The following PLEKHM3 variants were observed in gnomAD, a reference collection of about 807,000 sequenced individuals.
PLEKHM3 encodes pleckstrin homology domain-containing family M member 3.
Under a neutral mutation model 81.8 loss-of-function variants are expected in PLEKHM3, and 45 were observed. That is an observed-to-expected ratio of 0.55 (90% CI 0.43 to 0.71). The LOEUF is 0.71. Ranked by LOEUF, PLEKHM3 falls within the 30% of genes least tolerant of loss-of-function variation. The probability of loss-of-function intolerance (pLI) is 0.00; values close to 1 mark genes in which losing one functional copy is unlikely to be tolerated. For synonymous variants in PLEKHM3, 352 were observed against 356.4 expected, an observed-to-expected ratio of 0.99 and a Z score of 0.14; for missense variants, 788 against 924.3, an observed-to-expected ratio of 0.85 and a Z score of 1.91.
At chr2:207,872,470 T>C (rs751203589) in intron 6 of PLEKHM3, among the ~76,000 whole-genome samples, 2 of 152,246 alleles carry the variant, frequency 1.3e-5, no homozygotes, top group Non-Finnish European at 2.9e-5. Flanking sequence ...CAGCATCTTA[T>C]TGGCTCAACT....
At chr2:207,995,625 G>A (rs1477215875) in intron 2 of PLEKHM3, among the ~76,000 whole-genome samples, 2 of 152,228 alleles carry the variant, frequency 1.3e-5, no homozygotes, top group African/African-American at 4.8e-5. Flanking sequence ...TCCTTAAAAC[G>A]GGACCAATGA....
At chr2:207,884,076 A>G (rs1687804920) in intron 6 of PLEKHM3, among the ~76,000 whole-genome samples, 1 of 152,144 alleles carries the variant, frequency 6.6e-6, no homozygotes, top group South Asian at 2.1e-4. Flanking sequence ...AGGTGGGAGG[A>G]CTGCTTGAGC....
chr2:207,828,443 G>A lies in PLEKHM3; in HGVS notation c.2162C>T (p.Pro721Leu). ...CTCTCGGCGAACACACCTCGGGCAGGGGACAGACTTTTCTTTGCATTCAGA... is the reference window on the plus strand; with the variant it reads ...CTCTCGGCGAACACACCTCGGGCAGAGGACAGACTTTTCTTTGCATTCAGA... ...FHSECKEKSV[P>L]CPRCVRRELQ... Residue 721 changes from proline to leucine, a missense_variant, in exon 8 of 8, where the codon CCC (proline) becomes CTC (leucine). By Grantham distance (98) the Pro-to-Leu change is moderately conservative (BLOSUM62 -3). Coordinates refer to ENST00000427836, the MANE Select transcript of PLEKHM3 (RefSeq NM_001080475.3). 1.9e-6 allele frequency: 3 copies of A among 1,614,056 alleles called. No homozygotes were observed. Among genetic ancestry groups the A allele is most frequent in the Non-Finnish European group, 2.5e-6 (3 of 1,180,020 alleles).
chr2:207,944,284 C>A (rs1341159947), intron 4 of PLEKHM3, among the ~76,000 whole-genome samples: 1 of 152,046 alleles, frequency 6.6e-6, no homozygotes, highest in Non-Finnish European at 1.5e-5. Flanking sequence ...ATAGTGTATC[C>A]TAGAGAAGTC....
intron 1 of PLEKHM3, among the ~76,000 whole-genome samples, chr2:208,017,638 C>T (rs1326256546): frequency 6.6e-6 from 1 of 152,100 alleles, no homozygotes; most frequent in Non-Finnish European, 1.5e-5. Context: ...TCTCTTTTTT[C>T]TTGTAAGTTT....
At chr2:207,874,763 TG>T (rs1267415617) in intron 6 of PLEKHM3, among the ~76,000 whole-genome samples, 1 of 151,692 alleles carries the variant, frequency 6.6e-6, no homozygotes, top group Non-Finnish European at 1.5e-5. Context: ...GGCTAATTTT[TG>T]TATTTTTAGT....
chr2:207,873,841 C>T (rs2092546928), intron 6 of PLEKHM3, among the ~76,000 whole-genome samples: 1 of 152,150 alleles, frequency 6.6e-6, no homozygotes, highest in South Asian at 2.1e-4. Flanking sequence ...TTTATGGGAC[C>T]AGCCATTCCT....
rs1207833183 is a variant in PLEKHM3, at chr2:207,827,259, T to G, written c.*1060A>C. ...ATGGTCACATTGACAAAGGTCGAAATGAAAGTGCAGGAAGAACAACGAGAA... is the reference window on the plus strand; with the variant it reads ...ATGGTCACATTGACAAAGGTCGAAAGGAAAGTGCAGGAAGAACAACGAGAA... On this transcript the variant is annotated 3_prime_UTR_variant, in exon 8 of 8. Coordinates refer to ENST00000427836, the MANE Select transcript of PLEKHM3 (RefSeq NM_001080475.3). 6.6e-6 allele frequency: 1 copy of G among 152,036 alleles called. No individual in the cohort carries two copies. Among genetic ancestry groups the G allele is most frequent in the South Asian group, 2.1e-4 (1 of 4,822 alleles). 9.4% of individuals were successfully genotyped at this position (152,036 alleles called of 1,614,324 possible). A position where few individuals can be genotyped will look rare whatever the true frequency, so the allele number is the denominator to read the frequency against.
rs1322014249 is a variant in PLEKHM3 at position 208,016,694 on chromosome 2, C to CACACACACACACACACACAA, written c.-319+8694_-319+8695insTTGTGTGTGTGTGTGTGTGT. Among the ~76,000 whole-genome samples, 203 of 149,830 alleles carry CACACACACACACACACACAA rather than the reference C, an allele frequency of 1.4e-3. 1 individual carries two copies. Among genetic ancestry groups the CACACACACACACACACACAA allele is most frequent in the South Asian group, 3.8e-3 (18 of 4,702 alleles). ...ATACACACACACACACACACACACA[C>CACACACACACACACACACAA]ACCCTGGTTTCATATTACCATACTA... On this transcript the variant is annotated intron_variant, in intron 1 of 7. Transcript: ENST00000427836.
intron 6 of PLEKHM3, among the ~76,000 whole-genome samples, chr2:207,879,383 C>T (rs1054695416): frequency 6.6e-6 from 1 of 152,184 alleles, no homozygotes. Flanking sequence ...GCTCTACTGC[C>T]ATCCATAGTT....
chr2:207,846,751 A>C (rs1055371408), intron 7 of PLEKHM3, among the ~76,000 whole-genome samples: 11 of 152,050 alleles, frequency 7.2e-5, no homozygotes, highest in African/African-American at 2.7e-4. Flanking sequence ...TTTTTCTTTA[A>C]AAGTACCCAT....
chr2:207,918,466 G>A (rs1453717728), intron 5 of PLEKHM3, among the ~76,000 whole-genome samples: 2 of 152,174 alleles, frequency 1.3e-5, no homozygotes, highest in Non-Finnish European at 2.9e-5. Context: ...AGCTTGCAGT[G>A]AGCCGAGATT....
chr2:207,862,401 C>G (rs2092471902), intron 6 of PLEKHM3, among the ~76,000 whole-genome samples: 1 of 147,244 alleles, frequency 6.8e-6, no homozygotes, highest in Admixed American at 6.8e-5. Context: ...CTTTGGGAGG[C>G]TGAGGCAGAC....
chr2:207,928,507 G>A (rs1689482344), intron 5 of PLEKHM3, among the ~76,000 whole-genome samples: 1 of 152,260 alleles, frequency 6.6e-6, no homozygotes, highest in South Asian at 2.1e-4. Flanking sequence ...AGTATTTACT[G>A]TATGCTTAGT....
At chr2:207,971,213 T>C (rs1691109119) in intron 3 of PLEKHM3, among the ~76,000 whole-genome samples, 1 of 152,204 alleles carries the variant, frequency 6.6e-6, no homozygotes, top group African/African-American at 2.4e-5. Flanking sequence ...TCTTGATTGC[T>C]AGGAAATTAT....
intron 5 of PLEKHM3, among the ~76,000 whole-genome samples, chr2:207,914,474 G>A (rs1003074955): frequency 1.3e-5 from 2 of 151,456 alleles, no homozygotes; most frequent in Non-Finnish European, 2.9e-5. Flanking sequence ...CTCCAGCCTG[G>A]GCAATAAGAA....
intron 6 of PLEKHM3, among the ~76,000 whole-genome samples, chr2:207,877,876 C>T (rs1302997183): frequency 6.6e-6 from 1 of 152,120 alleles, no homozygotes; most frequent in Non-Finnish European, 1.5e-5. Flanking sequence ...ACATCAACAA[C>T]AACCACCACC....
chr2:207,887,825 C>T (rs1687926986), intron 6 of PLEKHM3, among the ~76,000 whole-genome samples: 1 of 152,024 alleles, frequency 6.6e-6, no homozygotes. Flanking sequence ...AAAGAGAGGG[C>T]ATTAATTTAG....
chr2:207,994,495 C>T (rs1692004797), intron 2 of PLEKHM3, among the ~76,000 whole-genome samples: 1 of 144,326 alleles, frequency 6.9e-6, no homozygotes, highest in Non-Finnish European at 1.5e-5. Flanking sequence ...ATCAGCCATT[C>T]TTTTTTTTTT....
Sources: allele counts gnomAD v4.1 joint callset (sites outside exome capture counted in the v4.1 genomes callset), GRCh38; gene constraint gnomAD v4.1.1; transcripts MANE v1.5; gene names NCBI Gene and HGNC (gene_info 2026-07-23, HGNC 2026-07-21).